Variants in INVS observed in about 807,000 individuals in gnomAD.
INVS encodes inversion of embryo turning homolog.
INVS carries 86 observed loss-of-function variants against 108.8 expected under a neutral mutation model. The ratio of observed to expected loss-of-function variants is 0.79; its 90% CI spans 0.66 to 0.95. INVS has a LOEUF of 0.95. Among genes scored for constraint, INVS ranks in the 40% least tolerant of loss-of-function variants. The pLI is 0.00. For missense variants in INVS, 1,169 were observed against 1,297.4 expected (o/e 0.90, Z 1.52); for synonymous variants, 455 against 473.5 (o/e 0.96, Z 0.51).
intron 1 of INVS, 59 bp from the exon 2 acceptor site, chr9:100,104,439 A>T: frequency 1.1e-6 from 1 of 897,814 alleles, no homozygotes; most frequent in South Asian, 1.4e-5. Flanking sequence ...CTTGGAACTG[A>T]TGAGACAGGT....
chr9:100,233,332 C>T (rs1043372994), intron 5 of INVS, among the ~76,000 whole-genome samples: 4 of 152,178 alleles, frequency 2.6e-5, no homozygotes, highest in East Asian at 1.9e-4. Context: ...GACAATTTGA[C>T]TTCCTCTCTT....
chr9:100,247,757 C>CT (rs1006628019), intron 8 of INVS, among the ~76,000 whole-genome samples: 6 of 152,086 alleles, frequency 3.9e-5, no homozygotes, highest in Non-Finnish European at 5.9e-5. Context: ...ACAATAAAGA[C>CT]TTTAACTTTC....
intron 3 of INVS, among the ~76,000 whole-genome samples, chr9:100,178,114 C>G (rs1479851698): frequency 6.6e-6 from 1 of 152,110 alleles, no homozygotes; most frequent in South Asian, 2.1e-4. Context: ...CACTGAAACC[C>G]CATCCAAAGG....
intron 3 of INVS, among the ~76,000 whole-genome samples, chr9:100,138,568 T>C (rs1176682177): frequency 6.6e-6 from 1 of 152,140 alleles, no homozygotes. Flanking sequence ...TCCGGCTCTG[T>C]CATTTGCTCA....
chr9:100,296,613 C>CA (rs1833799346), intron 14 of INVS, among the ~76,000 whole-genome samples: 1 of 152,236 alleles, frequency 6.6e-6, no homozygotes, highest in Non-Finnish European at 1.5e-5. Flanking sequence ...TTTGCACAAC[C>CA]AGCTCCTTGC....
chr9:100,116,276 T>C (rs928150328), intron 2 of INVS, among the ~76,000 whole-genome samples: 3 of 151,814 alleles, frequency 2.0e-5, no homozygotes, highest in Non-Finnish European at 4.4e-5. Context: ...ACCTGGCTAA[T>C]TTTTATATTT....
chr9:100,273,510 T>A (rs1028916062), intron 12 of INVS, among the ~76,000 whole-genome samples: 2 of 151,690 alleles, frequency 1.3e-5, no homozygotes, highest in Non-Finnish European at 2.9e-5. Flanking sequence ...CAACTTGGTT[T>A]TTTTTTCCAC....
intron 3 of INVS, among the ~76,000 whole-genome samples, chr9:100,169,942 G>A (rs912718268): frequency 1.3e-5 from 2 of 152,084 alleles, no homozygotes; most frequent in African/African-American, 2.4e-5. Flanking sequence ...TTCAAACCCT[G>A]AGGTCCATAC....
intron 3 of INVS, among the ~76,000 whole-genome samples, chr9:100,225,178 C>G (rs71507670): frequency 0.011 from 1,639 of 151,978 alleles, 16 homozygotes; most frequent in African/African-American, 0.016. Flanking sequence ...CTGCCTCAGC[C>G]TCCCGAGTAA....
intron 3 of INVS, among the ~76,000 whole-genome samples, chr9:100,186,587 T>C (rs556585541): frequency 3.1e-4 from 47 of 152,322 alleles, no homozygotes; most frequent in African/African-American, 9.6e-4. Flanking sequence ...TATTATCTCA[T>C]TGTGGTTTTA....
chr9:100,142,564 G>A (rs542918223), intron 3 of INVS, among the ~76,000 whole-genome samples: 6 of 152,284 alleles, frequency 3.9e-5, no homozygotes, highest in African/African-American at 1.2e-4. Flanking sequence ...GAATAATGTG[G>A]GAGGCCGGGT....
chr9:100,144,617 G>A (rs1486784529), intron 3 of INVS, among the ~76,000 whole-genome samples: 1 of 152,180 alleles, frequency 6.6e-6, no homozygotes, highest in Admixed American at 6.5e-5. Flanking sequence ...AGAGGAAATT[G>A]CTGGGCAGGT....
At chr9:100,269,744 G>T (rs941109810) in intron 11 of INVS, among the ~76,000 whole-genome samples, 1 of 152,044 alleles carries the variant, frequency 6.6e-6, no homozygotes, top group African/African-American at 2.4e-5. Flanking sequence ...CCTTTTATGG[G>T]TTTGGCTGGT....
intron 3 of INVS, among the ~76,000 whole-genome samples, chr9:100,208,427 C>T (rs1480085105): frequency 3.3e-5 from 5 of 152,168 alleles, no homozygotes; most frequent in South Asian, 2.1e-4. Flanking sequence ...AATTTACTTA[C>T]ACATTTGTCT....
intron 3 of INVS, among the ~76,000 whole-genome samples, chr9:100,177,660 G>T (rs1829760198): frequency 6.6e-6 from 1 of 152,224 alleles, no homozygotes; most frequent in South Asian, 2.1e-4. Flanking sequence ...CATCTGCCTG[G>T]GACAGAGCAC....
intron 2 of INVS, among the ~76,000 whole-genome samples, chr9:100,119,200 TCTA>T (rs1827647334): frequency 6.6e-6 from 1 of 152,234 alleles, no homozygotes; most frequent in African/African-American, 2.4e-5. Context: ...TTTTTATTCT[TCTA>T]CTTCTTTTGC....
intron 3 of INVS, among the ~76,000 whole-genome samples, chr9:100,192,150 C>T (rs1564152258): frequency 6.6e-6 from 1 of 151,826 alleles, no homozygotes; most frequent in Non-Finnish European, 1.5e-5. Context: ...GCTTCTTGAA[C>T]AAAAGTTCAC....
intron 3 of INVS, 40 bp from the exon 4 acceptor site, chr9:100,226,022 T>G: frequency 2.0e-6 from 3 of 1,471,998 alleles, no homozygotes; most frequent in Non-Finnish European, 2.8e-6. Context: ...TTTGACCCCA[T>G]AGTACATTTT....
chr9:100,100,930 TA>T (rs1204926368), intron 1 of INVS, among the ~76,000 whole-genome samples: 1 of 35,776 alleles, frequency 2.8e-5, no homozygotes, highest in Non-Finnish European at 4.4e-5. Flanking sequence ...ATATATATAA[TA>T]TATATAATAT....
Sources: gnomAD v4.1 joint callset for allele counts (sites outside exome capture counted in the v4.1 genomes callset) on GRCh38, gnomAD v4.1.1 for gene constraint, MANE v1.5 for transcripts, NCBI Gene and HGNC (gene_info 2026-07-23, HGNC 2026-07-21) for gene names.